The following CKB variants were observed in gnomAD, a reference collection of about 807,000 sequenced individuals.
CKB encodes creatine kinase B-type.
In CKB, 15 loss-of-function variants were observed where a neutral mutation model predicts 36.9. The ratio of observed to expected loss-of-function variants is 0.41; its 90% CI spans 0.27 to 0.63. The LOEUF (loss-of-function observed/expected upper bound fraction) is 0.63. Ranked by LOEUF, CKB falls within the 20% of genes least tolerant of loss-of-function variation. The probability of loss-of-function intolerance (pLI) is 0.34; values close to 1 mark genes in which losing one functional copy is unlikely to be tolerated. For missense variants in CKB, 413 were observed against 534.9 expected, an observed-to-expected ratio of 0.77 and a Z score of 2.25; for synonymous variants, 250 against 228.2, an observed-to-expected ratio of 1.10 and a Z score of -0.86.
chr14:103,521,593 A>G, intron 4 of CKB, 159 bp from the exon 5 acceptor site: 1 of 919,596 alleles, frequency 1.1e-6, no homozygotes, highest in Non-Finnish European at 1.5e-6. Flanking sequence ...CGACGGTCCC[A>G]GGCGGTGACC....
Position 103,522,166 on chromosome 14 carries a change from T to G in CKB, c.205A>C (p.Ile69Leu). 1 of 1,604,154 alleles carries G rather than the reference T, an allele frequency of 6.2e-7. No homozygotes were observed. Among genetic ancestry groups the G allele is most frequent in the Non-Finnish European group, 8.5e-7 (1 of 1,176,194 alleles). Residue 69 changes from isoleucine (I) to leucine (L), a missense_variant, in exon 3 of 8, where the codon ATC becomes CTC. Physicochemically the swap from Ile to Leu is conservative, Grantham distance 5. Coordinates refer to ENST00000348956, the MANE Select transcript of CKB (RefSeq NM_001823.5). This position sits in a 1 kb window ranked among gnomAD's most constrained non-coding sequence, Gnocchi z 6.7. ...CCCGCCACGCAGCCCACGGTCATGA[T>G]GTACGGGTGGCCTGGGGGAGGGGGC... ...TGVDNPGHPY[I>L]MTVGCVAGDE...
At chr14:103,521,659 C>G (rs1368486160) in intron 4 of CKB, 159 bp downstream of exon 4, 1 of 1,018,876 alleles carries the variant, frequency 9.8e-7, no homozygotes, top group African/African-American at 1.7e-5. Context: ...CGGGGCTGGG[C>G]CTCCGTCCCT....
chr14:103,520,965 C>T, intron 5 of CKB: 2 of 566,328 alleles, frequency 3.5e-6, no homozygotes, highest in Admixed American at 3.2e-5. Context: ...CTCCCAGGGC[C>T]GTCGGGGAGA....
chr14:103,519,909 C>T lies in CKB; in HGVS notation c.1101G>A (p.Leu367=), dbSNP rs1171547549. Residue 367 remains leucine, a synonymous_variant, in exon 8 of 8, where the codon CTG becomes CTA. Coordinates refer to ENST00000348956, the MANE Select transcript of CKB (RefSeq NM_001823.5). ...GGTCGTCGATGGCCTGGCCCTGCTC[C>T]AGCCGCTGCTCCATCTCGATGAGCA... ...VKLLIEMEQR[L]EQGQAIDDLM... The T allele has an allele frequency of 3.7e-6, 6 of 1,608,532 alleles. No individual in the cohort carries two copies. Among genetic ancestry groups the T allele is most frequent in the Non-Finnish European group, 4.2e-6 (5 of 1,179,974 alleles).
rs2984134 is a variant in CKB, at chr14:103,522,371, C to T, written c.123G>A (p.Glu41=). ...AKVLTPELYA[E]LRAKSTPSGF... is the part of the protein sequence containing the mutation. Reference sequence around the variant, plus strand: ...CGCTCGGCGTGCTCTTGGCGCGCAGCTCCGCGTACAGCTCGGGGGTCAGCA... The same window carrying T: ...CGCTCGGCGTGCTCTTGGCGCGCAGTTCCGCGTACAGCTCGGGGGTCAGCA... The change falls in exon 2 of 8, where the codon GAG becomes GAA. Residue 41 remains glutamate, a synonymous_variant. Coordinates refer to ENST00000348956, the MANE Select transcript of CKB (RefSeq NM_001823.5). The surrounding 1 kb of genome is among the most constrained non-coding windows in gnomAD (Gnocchi z 6.7). 6.2e-7 allele frequency: 1 copy of T among 1,611,756 alleles called. No individual in the cohort carries two copies.
At chr14:103,521,617 C>T (rs1161761736) in intron 4 of CKB, 183 bp from the exon 5 acceptor site, 5 of 911,366 alleles carry the variant, frequency 5.5e-6, no homozygotes, top group African/African-American at 1.8e-5. Flanking sequence ...CGCCAGGACC[C>T]GCCCTCCCTG....
In CKB at chr14:103,522,006, C is replaced by A. The variant is rs1206557899; in HGVS notation, c.348+17G>T. The A allele has an allele frequency of 1.9e-6, 3 of 1,544,232 alleles. No homozygotes were observed. The highest frequency in any genetic ancestry group is 2.6e-6 in the Non-Finnish European group (3 of 1,144,994). On this transcript the variant is annotated intron_variant, in intron 3 of 7. Transcript: ENST00000348956. This position sits in a 1 kb window ranked among gnomAD's most constrained non-coding sequence, Gnocchi z 6.7. ...AGACCCCGGCCCCGCCCGCCCGGCC[C>A]GCCCGCAGCCCCGCACCTGCAGGTT... is the stretch of plus-strand genomic sequence containing the variant.
At chr14:103,521,734 C>A in intron 4 of CKB, 84 bp downstream of exon 4, 1 of 1,291,766 alleles carries the variant, frequency 7.7e-7, no homozygotes, top group South Asian at 2.1e-5. Context: ...CTGCCGCTCC[C>A]GGGCGACGTA....
In CKB at chr14:103,522,352, G is replaced by T. The variant is rs1334781325; in HGVS notation, c.142C>A (p.Pro48Thr). ...ACGTCGTCCAGCGTGAAGCCGCTCGGCGTGCTCTTGGCGCGCAGCTCCGCG... is the reference window on the plus strand; with the variant it reads ...ACGTCGTCCAGCGTGAAGCCGCTCGTCGTGCTCTTGGCGCGCAGCTCCGCG... The part of the protein sequence containing the change: ...LYAELRAKST[P>T]SGFTLDDVIQ... Residue 48 changes from proline to threonine, a missense_variant, in exon 2 of 8, where the codon CCG becomes ACG. Physicochemically the swap from Pro to Thr is conservative, Grantham distance 38. Transcript: ENST00000348956. This position sits in a 1 kb window ranked among gnomAD's most constrained non-coding sequence, Gnocchi z 6.7. 1 of 1,611,030 alleles carries T rather than the reference G, an allele frequency of 6.2e-7. No individual in the cohort carries two copies. The highest frequency in any genetic ancestry group is 1.3e-5 in the African/African-American group (1 of 74,718).
Position 103,522,549 on chromosome 14 carries a change from T to C in CKB, c.-12-44A>G, listed in dbSNP as rs2142232485. 8.9e-6 allele frequency: 6 copies of C among 671,462 alleles called. No homozygotes were observed. The highest frequency in any genetic ancestry group is 1.6e-5 in the South Asian group (1 of 62,098). The allele number at this position is 671,462 out of a possible 1,614,324, so 41.6% of individuals were successfully genotyped here. On this transcript the variant is annotated intron_variant, in intron 1 of 7. Coordinates refer to ENST00000348956, the MANE Select transcript of CKB (RefSeq NM_001823.5). This position sits in a 1 kb window ranked among gnomAD's most constrained non-coding sequence, Gnocchi z 6.7. Reference sequence around the variant, plus strand: ...TCAGAGGGGACCGGCACGCCGGGGTTCCCGGGCTCCCGCGTACCACTCAGG... The same window carrying C: ...TCAGAGGGGACCGGCACGCCGGGGTCCCCGGGCTCCCGCGTACCACTCAGG...
chr14:103,522,575 C>T lies in CKB; in HGVS notation c.-12-70G>A, dbSNP rs917443339. ...CCCGGGCTCCCGCGTACCACTCAGG[C>T]CCCCGCCGCCGGGCCCCCCGGCGCC... is the stretch of plus-strand genomic sequence containing the variant. On this transcript the variant is annotated intron_variant, in intron 1 of 7. Transcript: ENST00000348956. This position sits in a 1 kb window ranked among gnomAD's most constrained non-coding sequence, Gnocchi z 6.7. 91 of 1,020,468 alleles carry T rather than the reference C, an allele frequency of 8.9e-5. 1 individual carries two copies. The highest frequency in any genetic ancestry group is 1.1e-4 in the Non-Finnish European group (88 of 773,502). 63.2% of individuals were successfully genotyped at this position (1,020,468 alleles called of 1,614,324 possible). A position where few individuals can be genotyped will look rare whatever the true frequency, so the allele number is the denominator to read the frequency against.
chr14:103,521,074 T>C (rs1052882927), intron 5 of CKB, 189 bp downstream of exon 5: 3 of 770,746 alleles, frequency 3.9e-6, no homozygotes, highest in Non-Finnish European at 6.7e-6. Context: ...TTAACGCACC[T>C]GCTCGGCCAA....
chr14:103,522,228 G>A lies in CKB; in HGVS notation c.194-51C>T. ...ACAGTGACGTCACTGCCGGGCCCGA[G>A]CGCGCTGCTGAGGACCCTGCGGCTG... On this transcript the variant is annotated intron_variant, in intron 2 of 7. Coordinates refer to ENST00000348956, the MANE Select transcript of CKB (RefSeq NM_001823.5). The surrounding 1 kb of genome is among the most constrained non-coding windows in gnomAD (Gnocchi z 6.7). 1 of 1,576,352 alleles carries A rather than the reference G, an allele frequency of 6.3e-7. No individual in the cohort carries two copies. Among genetic ancestry groups the A allele is most frequent in the Non-Finnish European group, 8.6e-7 (1 of 1,163,220 alleles).
chr14:103,520,479 C>G lies in CKB; in HGVS notation c.767G>C (p.Gly256Ala). The change falls in exon 6 of 8, where the codon GGC (glycine) becomes GCC (alanine). Residue 256 changes from glycine to alanine, a missense_variant. Physicochemically the swap from Gly to Ala is moderately conservative, Grantham distance 60. Transcript: ENST00000348956. ...CCCCGTCCCTGGCACCTGGGTGAGG[C>G]CGGTGCAGAAGCGGGTGAACACCTC... ...MKEVFTRFCT[G>A]LTQIETLFKS... 1 of 1,601,236 alleles carries G rather than the reference C, an allele frequency of 6.2e-7. No individual in the cohort carries two copies.
chr14:103,522,361 T>C lies in CKB; in HGVS notation c.133A>G (p.Lys45Glu). ...AGCGTGAAGCCGCTCGGCGTGCTCT[T>C]GGCGCGCAGCTCCGCGTACAGCTCG... Reference protein sequence around the residue: ...TPELYAELRAKSTPSGFTLDD... With the variant: ...TPELYAELRAESTPSGFTLDD... The change falls in exon 2 of 8, where the codon AAG becomes GAG. Residue 45 changes from lysine to glutamate, a missense_variant. By Grantham distance (56) the Lys-to-Glu change is moderately conservative. This residue lies in a region of CKB where 74 missense variants were observed against 70.6 expected (regional missense o/e 1.05). Transcript: ENST00000348956. This position sits in a 1 kb window ranked among gnomAD's most constrained non-coding sequence, Gnocchi z 6.7. The C allele has an allele frequency of 6.2e-7, 1 of 1,611,390 alleles. No individual in the cohort carries two copies. Among genetic ancestry groups the C allele is most frequent in the Non-Finnish European group, 8.5e-7 (1 of 1,179,224 alleles).
Position 103,520,734 on chromosome 14 carries a change from A to ACGGGGCGGGCGGGGGAAC in CKB, c.654-160_654-143dup, listed in dbSNP as rs1262507291. 4.1e-6 allele frequency: 5 copies of ACGGGGCGGGCGGGGGAAC among 1,205,824 alleles called. No individual in the cohort carries two copies. In the East Asian group the frequency reaches 1.1e-4, roughly 26 times the overall value. The allele number at this position is 1,205,824 out of a possible 1,614,324, so 74.7% of individuals were successfully genotyped here. A position where few individuals can be genotyped will look rare whatever the true frequency, so the allele number is the denominator to read the frequency against. ...TGCTGCCAAGACTCCACCCGCCAAC[A>ACGGGGCGGGCGGGGGAAC]CGGGGCGGGCGGGGGAACCGGGACG... On this transcript the variant is annotated intron_variant, in intron 5 of 7. Coordinates refer to ENST00000348956, the MANE Select transcript of CKB (RefSeq NM_001823.5).
At position 103,522,277 on chromosome 14, in the gene CKB, C is replaced by G. The variant is rs1328230330; in HGVS notation, c.193+24G>C. The G allele has an allele frequency of 6.3e-7, 1 of 1,585,668 alleles. No individual in the cohort carries two copies. ...TGCGCGGGGGGAGGGGGGGCCGGGA[C>G]CCCGGCCCCGAGGGGTCGCGTACCC... On this transcript the variant is annotated intron_variant, in intron 2 of 7. Coordinates refer to ENST00000348956, the MANE Select transcript of CKB (RefSeq NM_001823.5). This position sits in a 1 kb window ranked among gnomAD's most constrained non-coding sequence, Gnocchi z 6.7.
At chr14:103,521,589 TC>T in intron 4 of CKB, 155 bp from the exon 5 acceptor site, 1 of 925,796 alleles carries the variant, frequency 1.1e-6, no homozygotes, top group Non-Finnish European at 1.5e-6. Context: ...CGGGCGACGG[TC>T]CCAGGCGGTG....
chr14:103,520,641 GC>G, intron 5 of CKB, 49 bp from the exon 6 acceptor site: 2 of 1,569,962 alleles, frequency 1.3e-6, no homozygotes, highest in South Asian at 1.2e-5. Context: ...GCCCCAGGCC[GC>G]CCCCAGACCA....
Sources: allele counts gnomAD v4.1 joint callset, GRCh38; gene constraint gnomAD v4.1.1; regional missense constraint gnomAD v4.1.1; non-coding constraint Gnocchi (gnomAD v3.1); transcripts MANE v1.5; gene names NCBI Gene and HGNC (gene_info 2026-07-23, HGNC 2026-07-21).